The following TXK variants were observed in gnomAD, a reference collection of about 807,000 sequenced individuals.
TXK encodes the protein TXK tyrosine kinase.
TXK carries 60 observed loss-of-function variants against 81.0 expected under a neutral mutation model. The observed-to-expected ratio is 0.74, with a 90% CI of 0.60 to 0.92. The LOEUF is 0.92. Ranked by LOEUF, TXK falls within the 40% of genes least tolerant of loss-of-function variation. TXK has a pLI of 0.00. For synonymous variants in TXK, 203 were observed against 210.7 expected (o/e 0.96, Z 0.32); for missense variants, 581 against 638.3 (o/e 0.91, Z 0.97).
intron 6 of TXK, among the ~76,000 whole-genome samples, chr4:48,099,196 A>C (rs1718092760): frequency 6.6e-6 from 1 of 152,200 alleles, no homozygotes; most frequent in African/African-American, 2.4e-5. Flanking sequence ...TTACAAAATT[A>C]ATTCACAGAA....
intron 1 of TXK, among the ~76,000 whole-genome samples, chr4:48,116,670 C>T (rs1350871122): frequency 2.0e-5 from 3 of 152,178 alleles, no homozygotes; most frequent in Non-Finnish European, 4.4e-5. Context: ...AAGGAGACTT[C>T]ACAGCAAGAA....
intron 6 of TXK, 124 bp downstream of exon 6, chr4:48,104,777 A>T: frequency 1.5e-6 from 1 of 678,574 alleles, no homozygotes; most frequent in South Asian, 1.9e-5. Flanking sequence ...TAAAATATAT[A>T]GTTGGGATGT....
At chr4:48,099,530 T>A (rs1718107190) in intron 6 of TXK, among the ~76,000 whole-genome samples, 1 of 152,176 alleles carries the variant, frequency 6.6e-6, no homozygotes, top group Admixed American at 6.5e-5. Flanking sequence ...GTACATTTAA[T>A]GCAACCAACC....
At chr4:48,124,470 G>C (rs1719035058) in intron 1 of TXK, among the ~76,000 whole-genome samples, 2 of 150,526 alleles carry the variant, frequency 1.3e-5, no homozygotes, top group East Asian at 3.9e-4. Flanking sequence ...CTAGCTTCTA[G>C]CATCAGTGCC....
chr4:48,091,828 C>G (rs1717789174), intron 8 of TXK, among the ~76,000 whole-genome samples: 1 of 152,120 alleles, frequency 6.6e-6, no homozygotes, highest in Non-Finnish European at 1.5e-5. Flanking sequence ...TGATAGATCA[C>G]TCTGGTACTA....
chr4:48,080,113 T>C lies in TXK; in HGVS notation c.972A>G (p.Ser324=). 1.2e-6 allele frequency: 2 copies of C among 1,612,860 alleles called. No homozygotes were observed. Among genetic ancestry groups the C allele is most frequent in the Non-Finnish European group, 1.7e-6 (2 of 1,178,870 alleles). Residue 324 remains serine (S), a synonymous_variant, in exon 11 of 15, where the codon TCA becomes TCG. Transcript: ENST00000264316. ...AGACTCCATAAAGTTGCACTAGCTT[T>C]GAATGAGATAATTTCCTGGTGAAGA... The part of the protein sequence containing the change: ...EAKVMMKLSH[S]KLVQLYGVCI...
intron 1 of TXK, among the ~76,000 whole-genome samples, chr4:48,115,020 T>A (rs1052912034): frequency 5.0e-5 from 7 of 138,904 alleles, no homozygotes; most frequent in African/African-American, 2.1e-4. Context: ...TAGGTATTGG[T>A]ATTTCTTTCT....
At chr4:48,103,111 G>A (rs755100451) in intron 6 of TXK, among the ~76,000 whole-genome samples, 42 of 152,282 alleles carry the variant, frequency 2.8e-4, no homozygotes, top group Non-Finnish European at 5.1e-4. Context: ...GGGCCTGTGC[G>A]TATAATTCCC....
In TXK at chr4:48,104,595, TAG is replaced by T. The variant is rs1220835559; in HGVS notation, c.501+304_501+305del. ...ATAATATATATATTATATATATATA[TAG>T]AGAGAGAGAGAGAGAGAGAGTCCAT... On this transcript the variant is annotated intron_variant, in intron 6 of 14. Transcript: ENST00000264316. Among the ~76,000 whole-genome samples the T allele has an allele frequency of 5.9e-4, 9 of 15,362 alleles. 1 individual carries two copies. The highest frequency in any genetic ancestry group is 1.8e-3 in the African/African-American group (8 of 4,378). 10.1% of individuals were successfully genotyped at this position (15,362 alleles called of 152,430 possible). A position where few individuals can be genotyped will look rare whatever the true frequency, so the allele number is the denominator to read the frequency against.
At position 48,113,270 on chromosome 4, in the gene TXK, C is replaced by A. The variant is rs781181906; in HGVS notation, c.111G>T (p.Glu37Asp). Residue 37 changes from glutamate (E) to aspartate (D), a missense_variant, in exon 3 of 15, where the codon GAG (glutamate) becomes GAT (aspartate). Glu to Asp is a conservative substitution (Grantham distance 45). Coordinates refer to ENST00000264316, the MANE Select transcript of TXK (RefSeq NM_003328.3). ...RTQISLSTDEELPEKYTQRRR... is the reference protein window; with the variant it reads ...RTQISLSTDEDLPEKYTQRRR... ...GACGCTGGGTGTATTTTTCTGGAAGCTCTTCATCTGTGCTCAGGCTTATCT... is the reference window on the plus strand; with the variant it reads ...GACGCTGGGTGTATTTTTCTGGAAGATCTTCATCTGTGCTCAGGCTTATCT... The A allele has an allele frequency of 2.4e-5, 38 of 1,613,396 alleles. No homozygotes were observed. The highest frequency in any genetic ancestry group is 3.1e-5 in the Non-Finnish European group (36 of 1,179,598).
At chr4:48,069,126 C>A (rs898859985) in intron 14 of TXK, among the ~76,000 whole-genome samples, 1 of 126,716 alleles carries the variant, frequency 7.9e-6, no homozygotes, top group Non-Finnish European at 1.7e-5. Flanking sequence ...AAAGTGAGAC[C>A]CCATCTCTAG....
intron 1 of TXK, among the ~76,000 whole-genome samples, chr4:48,124,562 TC>T (rs1387197036): frequency 7.2e-5 from 11 of 151,738 alleles, no homozygotes; most frequent in South Asian, 6.3e-4. Context: ...TCTGAGCTCT[TC>T]TTTTTTTCCA....
intron 1 of TXK, among the ~76,000 whole-genome samples, chr4:48,121,332 C>T (rs906327486): frequency 3.3e-5 from 5 of 152,208 alleles, no homozygotes; most frequent in African/African-American, 1.2e-4. Flanking sequence ...TCACCCTTCT[C>T]CATCTTGTCA....
intron 10 of TXK, 82 bp downstream of exon 10, chr4:48,086,384 G>A (rs557215449): frequency 1.5e-5 from 22 of 1,423,446 alleles, no homozygotes; most frequent in Non-Finnish European, 2.2e-5. Flanking sequence ...ACAAATCCAG[G>A]TGTGGCTGCC....
intron 4 of TXK, 46 bp from the exon 5 acceptor site, chr4:48,110,649 T>C: frequency 2.1e-6 from 3 of 1,453,636 alleles, no homozygotes; most frequent in Non-Finnish European, 2.9e-6. Flanking sequence ...GGCATGTTTG[T>C]GGCATTATCA....
At chr4:48,075,877 C>T (rs1717051131) in intron 12 of TXK, among the ~76,000 whole-genome samples, 1 of 152,004 alleles carries the variant, frequency 6.6e-6, no homozygotes, top group Admixed American at 6.5e-5. Context: ...AGAGAAACCC[C>T]AAATTCCCTG....
chr4:48,100,874 T>A lies in TXK; in HGVS notation c.501+4027A>T, dbSNP rs552645655. Among the ~76,000 whole-genome samples, 3 of 152,204 alleles carry A rather than the reference T, an allele frequency of 2.0e-5. No individual in the cohort carries two copies. The South Asian group carries it at 6.2e-4, about 32-fold the overall frequency. On this transcript the variant is annotated intron_variant, in intron 6 of 14. Transcript: ENST00000264316. ...GTATAAAATGAAGGAGGACATGTTT[T>A]GTGTACTGATGTGGAAAGATTCTAA...
chr4:48,133,437 C>T (rs1719296467), intron 1 of TXK, among the ~76,000 whole-genome samples: 1 of 152,058 alleles, frequency 6.6e-6, no homozygotes, highest in Non-Finnish European at 1.5e-5. Flanking sequence ...GACATTTGAG[C>T]CAGTGTTCAC....
At chr4:48,087,744 T>A (rs1717592668) in intron 9 of TXK, among the ~76,000 whole-genome samples, 1 of 152,184 alleles carries the variant, frequency 6.6e-6, no homozygotes, top group Non-Finnish European at 1.5e-5. Context: ...CTCATAGGTA[T>A]GTTTTAAAAG....
Sources: allele counts gnomAD v4.1 joint callset (sites outside exome capture counted in the v4.1 genomes callset), GRCh38; gene constraint gnomAD v4.1.1; transcripts MANE v1.5; gene names NCBI Gene and HGNC (gene_info 2026-07-23, HGNC 2026-07-21).